DEPTOR: variants seen among roughly 807,000 people sequenced by gnomAD.
DEPTOR encodes DEP domain-containing mTOR-interacting protein.
Under a neutral mutation model 41.6 loss-of-function variants are expected in DEPTOR, and 41 were observed. The ratio of observed to expected loss-of-function variants is 0.98; its 90% CI spans 0.77 to 1.28. The LOEUF (loss-of-function observed/expected upper bound fraction) is 1.28. Among genes scored for constraint, DEPTOR ranks in the 50% most tolerant of loss-of-function variants. The probability of loss-of-function intolerance (pLI) is 0.00; values close to 1 mark genes in which losing one functional copy is unlikely to be tolerated. For synonymous variants in DEPTOR, 195 were observed against 192.3 expected (o/e 1.01, Z -0.12); for missense variants, 514 against 527.9 (o/e 0.97, Z 0.26).
intron 3 of DEPTOR, among the ~76,000 whole-genome samples, chr8:119,953,590 C>CAA (rs59533834): frequency 0.016 from 1,142 of 69,376 alleles, 15 homozygotes; most frequent in African/African-American, 0.054. Flanking sequence ...GACTCTGTCT[C>CAA]AAAAAAAAAA....
At chr8:119,929,590 C>T (rs1225551515) in intron 2 of DEPTOR, among the ~76,000 whole-genome samples, 1 of 151,864 alleles carries the variant, frequency 6.6e-6, no homozygotes, top group East Asian at 1.9e-4. Context: ...ATGATGATGA[C>T]TATGGTGATG....
At chr8:120,023,271 C>T (rs962436942) in intron 8 of DEPTOR, among the ~76,000 whole-genome samples, 1 of 152,016 alleles carries the variant, frequency 6.6e-6, no homozygotes, top group Non-Finnish European at 1.5e-5. Flanking sequence ...GAGACAGTCT[C>T]ACTCTGTGGC....
intron 1 of DEPTOR, among the ~76,000 whole-genome samples, chr8:119,891,558 C>G (rs1233513737): frequency 6.6e-6 from 1 of 152,078 alleles, no homozygotes; most frequent in African/African-American, 2.4e-5. Flanking sequence ...TGGTGTAAAC[C>G]TCCTCACCGT....
At chr8:119,988,429 A>G (rs1828856688) in intron 4 of DEPTOR, among the ~76,000 whole-genome samples, 1 of 152,178 alleles carries the variant, frequency 6.6e-6, no homozygotes, top group Non-Finnish European at 1.5e-5. Context: ...TCTCACTGGG[A>G]GTTGCAGACC....
intron 4 of DEPTOR, among the ~76,000 whole-genome samples, chr8:119,974,851 G>A (rs1245263958): frequency 1.4e-5 from 2 of 141,390 alleles, no homozygotes; most frequent in East Asian, 4.0e-4. Flanking sequence ...AAAAAAAGAT[G>A]TAACCCAGTT....
intron 1 of DEPTOR, among the ~76,000 whole-genome samples, chr8:119,894,384 T>TGTTATTTATTTATTTA (rs373518691): frequency 2.2e-5 from 1 of 46,414 alleles, no homozygotes; most frequent in African/African-American, 4.7e-5. Context: ...AATAGTTCTT[T>TGTTATTTATTTATTTA]TTTATTTATT....
chr8:119,916,661 T>C (rs527944427), intron 1 of DEPTOR, among the ~76,000 whole-genome samples: 1 of 152,330 alleles, frequency 6.6e-6, no homozygotes, highest in African/African-American at 2.4e-5. Context: ...ATTGCTTATA[T>C]ACAGGTGGTG....
chr8:119,980,192 A>C (rs1390461490), intron 4 of DEPTOR, among the ~76,000 whole-genome samples: 1 of 151,934 alleles, frequency 6.6e-6, no homozygotes, highest in Non-Finnish European at 1.5e-5. Flanking sequence ...GGGTTAAATT[A>C]ATCTTCATAA....
At chr8:120,014,078 T>G (rs1342364652) in intron 8 of DEPTOR, among the ~76,000 whole-genome samples, 1 of 152,158 alleles carries the variant, frequency 6.6e-6, no homozygotes, top group Non-Finnish European at 1.5e-5. Flanking sequence ...GAATTTGAGC[T>G]ACTCTTATTT....
At chr8:120,009,537 C>A (rs1812500055) in intron 8 of DEPTOR, among the ~76,000 whole-genome samples, 1 of 152,082 alleles carries the variant, frequency 6.6e-6, no homozygotes, top group Non-Finnish European at 1.5e-5. Context: ...CGCTTGAACC[C>A]AGGAGGCAGA....
intron 4 of DEPTOR, among the ~76,000 whole-genome samples, chr8:119,979,300 GGA>G (rs1368335887): frequency 2.6e-5 from 4 of 151,898 alleles, no homozygotes; most frequent in African/African-American, 9.7e-5. Context: ...TTCTTGAGGT[GGA>G]GTCTTGCTCT....
chr8:119,890,179 T>A (rs1827433742), intron 1 of DEPTOR, among the ~76,000 whole-genome samples: 1 of 152,178 alleles, frequency 6.6e-6, no homozygotes, highest in Admixed American at 6.5e-5. Flanking sequence ...GATCTTGAAC[T>A]CCTGACCTGA....
intron 3 of DEPTOR, among the ~76,000 whole-genome samples, chr8:119,931,958 GATTATTATTATTATTATT>G (rs58758138): frequency 2.1e-5 from 3 of 142,684 alleles, no homozygotes; most frequent in African/African-American, 7.7e-5. Context: ...AATTAAAAAA[GATTATTATTATTATTATT>G]ATTATTATTA....
intron 8 of DEPTOR, among the ~76,000 whole-genome samples, chr8:120,024,241 A>T (rs572362482): frequency 6.6e-5 from 10 of 151,824 alleles, no homozygotes; most frequent in African/African-American, 1.7e-4. Context: ...TGTCTCAAAA[A>T]TGAATAAATA....
At chr8:119,918,525 A>G (rs1294665555) in intron 1 of DEPTOR, among the ~76,000 whole-genome samples, 1 of 152,096 alleles carries the variant, frequency 6.6e-6, no homozygotes, top group Non-Finnish European at 1.5e-5. Context: ...CAATGGCACA[A>G]TCTCGGCTCA....
At chr8:119,940,442 C>T (rs1828187765) in intron 3 of DEPTOR, among the ~76,000 whole-genome samples, 1 of 151,888 alleles carries the variant, frequency 6.6e-6, no homozygotes, top group Non-Finnish European at 1.5e-5. Flanking sequence ...GAATATTATT[C>T]AGCCTTAAAA....
At chr8:119,917,764 G>A (rs1436836200) in intron 1 of DEPTOR, among the ~76,000 whole-genome samples, 2 of 152,182 alleles carry the variant, frequency 1.3e-5, no homozygotes, top group Non-Finnish European at 2.9e-5. Flanking sequence ...ACGCCTCTTT[G>A]CAGTTGAGAC....
intron 8 of DEPTOR, among the ~76,000 whole-genome samples, chr8:120,047,274 G>A (rs992314820): frequency 3.4e-4 from 51 of 151,924 alleles, no homozygotes; most frequent in African/African-American, 1.1e-3. Flanking sequence ...TGCCCGCTTC[G>A]GCCTCCCAAA....
rs1828015417 is a variant in DEPTOR at position 119,929,695 on chromosome 8, T to C, written c.302-120T>C. On this transcript the variant is annotated intron_variant, in intron 2 of 8. Transcript: ENST00000286234. The stretch of plus-strand genomic sequence containing the variant: ...CAAGTATTAGCTCATATGGTACATA[T>C]TTGCATGCATGAAGAATGTGATAGT... 1.5e-5 allele frequency: 20 copies of C among 1,345,158 alleles called. No homozygotes were observed. In the South Asian group the frequency reaches 2.0e-4, roughly 14 times the overall value. The allele number at this position is 1,345,158 out of a possible 1,614,324, so 83.3% of individuals were successfully genotyped here.
Sources: allele counts gnomAD v4.1 joint callset (sites outside exome capture counted in the v4.1 genomes callset), GRCh38; gene constraint gnomAD v4.1.1; transcripts MANE v1.5; gene names NCBI Gene and HGNC (gene_info 2026-07-23, HGNC 2026-07-21).